The following CPNE4 variants were observed in gnomAD, a reference collection of about 807,000 sequenced individuals.
CPNE4 encodes copine-4.
In CPNE4, 25 loss-of-function variants were observed where a neutral mutation model predicts 67.9. The ratio of observed to expected loss-of-function variants is 0.37; its 90% CI spans 0.27 to 0.51. The LOEUF is 0.51. CPNE4 is among the 20% of genes least tolerant of loss of function. The probability of loss-of-function intolerance (pLI) is 0.93; values close to 1 mark genes in which losing one functional copy is unlikely to be tolerated. For missense variants in CPNE4, 464 were observed against 690.8 expected, an observed-to-expected ratio of 0.67 and a Z score of 3.68; for synonymous variants, 242 against 244.9, an observed-to-expected ratio of 0.99 and a Z score of 0.11.
chr3:131,609,897 A>G (rs1939733705), intron 7 of CPNE4, among the ~76,000 whole-genome samples: 1 of 152,142 alleles, frequency 6.6e-6, no homozygotes, highest in Admixed American at 6.5e-5. Context: ...TTGATATAAG[A>G]GCCCCTACTG....
chr3:131,552,720 T>C (rs1328130228), intron 12 of CPNE4, among the ~76,000 whole-genome samples: 2 of 152,002 alleles, frequency 1.3e-5, no homozygotes, highest in African/African-American at 4.8e-5. Flanking sequence ...ATCAGATAAA[T>C]GCTGTCAGGA....
Position 131,767,138 on chromosome 3 carries a change from G to A in CPNE4, c.181-43513C>T, listed in dbSNP as rs571240322. On this transcript the variant is annotated intron_variant, in intron 2 of 15. Coordinates refer to ENST00000429747, the MANE Select transcript of CPNE4 (RefSeq NM_130808.3). ...CGTAGGCATTAATATATGTGTGCAAGGAAGGGAAAAAGTCTCTTTCTCTCT... is the reference window on the plus strand; with the variant it reads ...CGTAGGCATTAATATATGTGTGCAAAGAAGGGAAAAAGTCTCTTTCTCTCT... Among the ~76,000 whole-genome samples the A allele has an allele frequency of 4.6e-5, 7 of 152,208 alleles. No individual in the cohort carries two copies. The South Asian group carries it at 1.0e-3, about 23-fold the overall frequency.
At chr3:132,033,375 CTGTGAGAG>C (rs1339224000) in intron 1 of CPNE4, among the ~76,000 whole-genome samples, 1 of 146,948 alleles carries the variant, frequency 6.8e-6, no homozygotes, top group Admixed American at 6.9e-5. Context: ...CACTGAAATC[CTGTGAGAG>C]TGTGTGAGTG....
intron 7 of CPNE4, among the ~76,000 whole-genome samples, chr3:131,664,281 T>C (rs2080204482): frequency 6.6e-6 from 1 of 152,178 alleles, no homozygotes; most frequent in South Asian, 2.1e-4. Context: ...AAGAACACTC[T>C]CTGGAAGAAT....
chr3:131,823,927 C>T (rs1189941547), intron 2 of CPNE4, among the ~76,000 whole-genome samples: 1 of 152,098 alleles, frequency 6.6e-6, no homozygotes, highest in Non-Finnish European at 1.5e-5. Flanking sequence ...CTTTGCAGCT[C>T]CTTTAACACC....
At chr3:131,557,829 AG>A (rs1936545940) in intron 11 of CPNE4, among the ~76,000 whole-genome samples, 1 of 151,998 alleles carries the variant, frequency 6.6e-6, no homozygotes, top group Non-Finnish European at 1.5e-5. Context: ...GGGGGATTTT[AG>A]GGTACTTTCT....
chr3:131,798,165 C>T (rs1378888990), intron 2 of CPNE4, among the ~76,000 whole-genome samples: 2 of 152,132 alleles, frequency 1.3e-5, no homozygotes, highest in African/African-American at 4.8e-5. Flanking sequence ...GTTAGGACTT[C>T]AACATATGTA....
chr3:131,815,576 C>CTA (rs889114213), intron 2 of CPNE4, among the ~76,000 whole-genome samples: 13 of 152,068 alleles, frequency 8.5e-5, no homozygotes, highest in Admixed American at 2.6e-4. Flanking sequence ...CAGAACCTGC[C>CTA]TATATATATA....
chr3:131,570,652 G>A (rs1937291564), intron 10 of CPNE4, among the ~76,000 whole-genome samples: 1 of 151,992 alleles, frequency 6.6e-6, no homozygotes, highest in South Asian at 2.1e-4. Context: ...TGCAATACTA[G>A]TTGCTCTAGA....
intron 2 of CPNE4, among the ~76,000 whole-genome samples, chr3:131,877,975 G>T (rs538647611): frequency 7.2e-5 from 11 of 152,286 alleles, no homozygotes; most frequent in African/African-American, 2.6e-4. Context: ...AAAAAGACAG[G>T]CAATATAAAA....
At chr3:131,738,589 G>A (rs2082290007) in intron 2 of CPNE4, among the ~76,000 whole-genome samples, 1 of 151,688 alleles carries the variant, frequency 6.6e-6, no homozygotes, top group Admixed American at 6.6e-5. Context: ...TTCTATACCT[G>A]ATTTTAAATA....
chr3:131,656,912 A>G (rs1325105116), intron 7 of CPNE4, among the ~76,000 whole-genome samples: 1 of 152,178 alleles, frequency 6.6e-6, no homozygotes, highest in Non-Finnish European at 1.5e-5. Flanking sequence ...GACAGGTGGG[A>G]ATTTCAGGCA....
chr3:131,837,138 A>G (rs1163279779), intron 2 of CPNE4, among the ~76,000 whole-genome samples: 2 of 152,158 alleles, frequency 1.3e-5, no homozygotes, highest in Non-Finnish European at 2.9e-5. Context: ...GGAATGTAAA[A>G]TGGTACCACC....
At chr3:131,881,087 T>A (rs1172296710) in intron 2 of CPNE4, among the ~76,000 whole-genome samples, 3 of 152,070 alleles carry the variant, frequency 2.0e-5, no homozygotes. Flanking sequence ...AACATCAACA[T>A]AAGGCAAGGA....
At chr3:132,001,612 A>AAAGAAAGG (rs1166533933) in intron 1 of CPNE4, among the ~76,000 whole-genome samples, 1 of 146,460 alleles carries the variant, frequency 6.8e-6, no homozygotes, top group Non-Finnish European at 1.5e-5. Context: ...AGAAAGAAAG[A>AAAGAAAGG]AAGAAAATGA....
chr3:131,702,342 TAG>T (rs1397996243), intron 3 of CPNE4, among the ~76,000 whole-genome samples: 2 of 152,182 alleles, frequency 1.3e-5, no homozygotes, highest in Non-Finnish European at 2.9e-5. Context: ...GCACTAAGAA[TAG>T]AGTGGTAAGT....
intron 2 of CPNE4, among the ~76,000 whole-genome samples, chr3:131,852,485 C>T (rs949364297): frequency 8.6e-5 from 13 of 151,928 alleles, no homozygotes; most frequent in African/African-American, 3.1e-4. Context: ...CATGTTAAAA[C>T]CTCTCAGAAT....
chr3:132,006,481 C>G (rs113399422), intron 1 of CPNE4, among the ~76,000 whole-genome samples: 3 of 152,152 alleles, frequency 2.0e-5, no homozygotes, highest in Non-Finnish European at 4.4e-5. Flanking sequence ...TATCTACAGA[C>G]TGTGACATTT....
intron 7 of CPNE4, among the ~76,000 whole-genome samples, chr3:131,657,350 G>T (rs2079997016): frequency 6.6e-6 from 1 of 151,850 alleles, no homozygotes; most frequent in Admixed American, 6.6e-5. Flanking sequence ...CTTCTTATTG[G>T]TTACCTCATC....
Sources: allele counts gnomAD v4.1 joint callset (sites outside exome capture counted in the v4.1 genomes callset), GRCh38; gene constraint gnomAD v4.1.1; transcripts MANE v1.5; gene names NCBI Gene and HGNC (gene_info 2026-07-23, HGNC 2026-07-21).